The following TLL2 variants were observed in gnomAD, a reference collection of about 807,000 sequenced individuals.
The protein encoded by TLL2 is tolloid-like protein 2.
Under a neutral mutation model 123.0 loss-of-function variants are expected in TLL2, and 106 were observed. The observed-to-expected ratio is 0.86, with a 90% CI of 0.74 to 1.01. The LOEUF is 1.01. Ranked by LOEUF, TLL2 falls within the 50% of genes least tolerant of loss-of-function variation. The pLI, the probability that TLL2 is intolerant of heterozygous loss-of-function variation, is 0.00. For missense variants in TLL2, 1,332 were observed against 1,336.7 expected, an observed-to-expected ratio of 1.00 and a Z score of 0.06; for synonymous variants, 494 against 516.8, an observed-to-expected ratio of 0.96 and a Z score of 0.60.
At chr10:96,437,848 T>C (rs1846811692) in intron 3 of TLL2, among the ~76,000 whole-genome samples, 1 of 152,232 alleles carries the variant, frequency 6.6e-6, no homozygotes, top group African/African-American at 2.4e-5. Context: ...ATAAAGCCAT[T>C]ATGAACATTC....
intron 2 of TLL2, among the ~76,000 whole-genome samples, chr10:96,476,248 T>TTTTTTGTTG (rs1285354320): frequency 0.042 from 2,857 of 68,814 alleles, 227 homozygotes; most frequent in Non-Finnish European, 0.056. Context: ...ATATTTTATT[T>TTTTTTGTTG]TTGTTGTTGT....
chr10:96,406,656 C>T (rs1170587359), intron 9 of TLL2, among the ~76,000 whole-genome samples: 2 of 152,130 alleles, frequency 1.3e-5, no homozygotes, highest in Non-Finnish European at 2.9e-5. Context: ...GCCCCATGAC[C>T]CCTCTGCCCA....
intron 10 of TLL2, 73 bp downstream of exon 10, chr10:96,405,159 C>G: frequency 7.1e-7 from 1 of 1,408,862 alleles, no homozygotes; most frequent in Non-Finnish European, 1.0e-6. Context: ...TCAAGGTGGA[C>G]CTTCCAGACA....
chr10:96,433,228 T>C (rs1846762947), intron 3 of TLL2, among the ~76,000 whole-genome samples: 1 of 152,044 alleles, frequency 6.6e-6, no homozygotes, highest in Non-Finnish European at 1.5e-5. Flanking sequence ...CAGAATCAAA[T>C]GGGCAGGGAT....
intron 1 of TLL2, 38 bp from the exon 2 acceptor site, chr10:96,480,497 G>C: frequency 1.3e-6 from 2 of 1,532,244 alleles, no homozygotes; most frequent in Non-Finnish European, 1.8e-6. Flanking sequence ...ATTTATGCTA[G>C]AAGTCAAGAA....
intron 4 of TLL2, among the ~76,000 whole-genome samples, chr10:96,430,948 A>T (rs1846732854): frequency 6.6e-6 from 1 of 152,022 alleles, no homozygotes; most frequent in Non-Finnish European, 1.5e-5. Flanking sequence ...TTAACTGTCC[A>T]TTTTTTTTCT....
intron 3 of TLL2, among the ~76,000 whole-genome samples, chr10:96,434,840 T>G (rs78950253): frequency 0.024 from 3,632 of 152,228 alleles, 136 homozygotes; most frequent in African/African-American, 0.083. Context: ...CACATCCTCG[T>G]CAACACTTGT....
intron 1 of TLL2, among the ~76,000 whole-genome samples, chr10:96,502,756 G>A (rs2134115124): frequency 6.6e-6 from 1 of 152,292 alleles, no homozygotes; most frequent in South Asian, 2.1e-4. Flanking sequence ...TGGGAAGCCA[G>A]CTTACAGGAC....
chr10:96,507,964 A>C (rs1388778987), intron 1 of TLL2, among the ~76,000 whole-genome samples: 1 of 152,232 alleles, frequency 6.6e-6, no homozygotes, highest in East Asian at 1.9e-4. Flanking sequence ...AGGACATCAT[A>C]ACAAGTTAGA....
In TLL2 at chr10:96,367,783, C is replaced by A. The variant is rs991467304; in HGVS notation, c.*305G>T. The A allele has an allele frequency of 1.4e-5, 4 of 284,384 alleles. No homozygotes were observed. The highest frequency in any genetic ancestry group is 8.6e-5 in the African/African-American group (4 of 46,616). The allele number at this position is 284,384 out of a possible 1,614,324, so 17.6% of individuals were successfully genotyped here. ...CCTTTTGCCACATAGGAGCAAGGGACAAGGAGAATGGTATGAAGAAGCATA... is the reference window on the plus strand; with the variant it reads ...CCTTTTGCCACATAGGAGCAAGGGAAAAGGAGAATGGTATGAAGAAGCATA... On this transcript the variant is annotated 3_prime_UTR_variant, in exon 21 of 21. Transcript: ENST00000357947.
rs1846034582 is a variant in TLL2, at chr10:96,366,939, C to T, written c.*1149G>A. On this transcript the variant is annotated 3_prime_UTR_variant, in exon 21 of 21. Coordinates refer to ENST00000357947, the MANE Select transcript of TLL2 (RefSeq NM_012465.4). ...TATGTAAACATCATCCTCTACACTT[C>T]TCTAGAACAAGTGCCAAGTGTTATG... is the stretch of plus-strand genomic sequence containing the variant. 1 of 152,644 alleles carries T rather than the reference C, an allele frequency of 6.6e-6. No homozygotes were observed. Among genetic ancestry groups the T allele is most frequent in the South Asian group, 2.1e-4 (1 of 4,830 alleles). The allele number at this position is 152,644 out of a possible 1,614,324, so 9.5% of individuals were successfully genotyped here.
At chr10:96,402,743 A>G (rs1024983553) in intron 10 of TLL2, among the ~76,000 whole-genome samples, 2 of 152,184 alleles carry the variant, frequency 1.3e-5, no homozygotes, top group African/African-American at 4.8e-5. Context: ...TAATGCCGGC[A>G]GCCTGGGACC....
chr10:96,457,660 C>T lies in TLL2; in HGVS notation c.287-11492G>A, dbSNP rs1019795486. Among the ~76,000 whole-genome samples, 16 of 151,962 alleles carry T rather than the reference C, an allele frequency of 1.1e-4. No homozygotes were observed. The East Asian group carries it at 2.5e-3, about 24-fold the overall frequency. On this transcript the variant is annotated intron_variant, in intron 2 of 20. Transcript: ENST00000357947. ...GGTGCTTTCTGAAGCAGGAAGGAGT[C>T]GGGTATAGTGGCTATGGAGCCACAG...
intron 2 of TLL2, among the ~76,000 whole-genome samples, chr10:96,476,216 T>TATATATATA (rs1554939587): frequency 6.0e-5 from 2 of 33,334 alleles, no homozygotes; most frequent in Non-Finnish European, 1.3e-4. Context: ...CTTTTTAATT[T>TATATATATA]TATATGTATA....
At chr10:96,391,301 T>C (rs917436543) in intron 13 of TLL2, among the ~76,000 whole-genome samples, 1 of 152,176 alleles carries the variant, frequency 6.6e-6, no homozygotes, top group African/African-American at 2.4e-5. Flanking sequence ...AAAGCAGGTA[T>C]GGGCCGGTCG....
chr10:96,476,273 C>T (rs1223853724), intron 2 of TLL2, among the ~76,000 whole-genome samples: 2 of 70,796 alleles, frequency 2.8e-5, no homozygotes, highest in African/African-American at 6.6e-5. Flanking sequence ...GTTGTTGAGA[C>T]GGAGTCTCAC....
At chr10:96,454,012 C>CAA (rs756024922) in intron 2 of TLL2, among the ~76,000 whole-genome samples, 2 of 18,910 alleles carry the variant, frequency 1.1e-4, no homozygotes, top group Non-Finnish European at 4.1e-4. Flanking sequence ...TGTGCGCCTG[C>CAA]ACACACACAC....
chr10:96,480,237 G>C (rs1242712327), intron 2 of TLL2, 112 bp downstream of exon 2: 18 of 842,680 alleles, frequency 2.1e-5, no homozygotes, highest in African/African-American at 8.5e-5. Flanking sequence ...CCACAAATAG[G>C]GGGGCATTAG....
At chr10:96,422,442 G>T in intron 6 of TLL2, 107 bp downstream of exon 6, 1 of 1,301,348 alleles carries the variant, frequency 7.7e-7, no homozygotes. Flanking sequence ...ATATTCAGCA[G>T]TTAGCATTGC....
Sources: gnomAD v4.1 joint callset for allele counts (sites outside exome capture counted in the v4.1 genomes callset) on GRCh38, gnomAD v4.1.1 for gene constraint, MANE v1.5 for transcripts, NCBI Gene and HGNC (gene_info 2026-07-23, HGNC 2026-07-21) for gene names.